The following ATXN10 variants were observed in gnomAD, a reference collection of about 807,000 sequenced individuals.
The protein encoded by ATXN10 is ataxin-10.
A neutral mutation model predicts 52.9 loss-of-function variants in ATXN10; 28 were observed. The observed-to-expected ratio is 0.53, with a 90% CI of 0.39 to 0.73. The LOEUF is 0.73. Among genes scored for constraint, ATXN10 ranks in the 30% least tolerant of loss-of-function variants. The probability of loss-of-function intolerance (pLI) is 0.00; values close to 1 mark genes in which losing one functional copy is unlikely to be tolerated. For missense variants in ATXN10, 565 were observed against 577.0 expected (o/e 0.98, Z 0.21); for synonymous variants, 226 against 221.5 (o/e 1.02, Z -0.18).
rs749944128 is a variant in ATXN10 at position 45,708,928 on chromosome 22, C to T, written c.647+6081C>T. ...TGCTGGGATTACAGGCATGAGCCAC[C>T]GTGCCCACCTAAACTTTTATTAATC... On this transcript the variant is annotated intron_variant, in intron 5 of 11. Transcript: ENST00000252934. This position sits in a 1 kb window ranked among gnomAD's most constrained non-coding sequence, Gnocchi z 5.3. Among the ~76,000 whole-genome samples the T allele has an allele frequency of 4.6e-5, 7 of 152,186 alleles. No homozygotes were observed. The highest frequency in any genetic ancestry group is 8.8e-5 in the Non-Finnish European group (6 of 68,032).
intron 10 of ATXN10, among the ~76,000 whole-genome samples, chr22:45,838,417 C>G: frequency 6.6e-6 from 1 of 152,346 alleles, no homozygotes; most frequent in East Asian, 1.9e-4. Flanking sequence ...CGCTCTAGTG[C>G]TGATTGCAGG....
rs564472388 is a variant in ATXN10, at chr22:45,733,815, A to G, written c.894+4225A>G. Among the ~76,000 whole-genome samples the G allele has an allele frequency of 8.7e-5, 13 of 148,688 alleles. No individual in the cohort carries two copies. Among genetic ancestry groups the G allele is most frequent in the South Asian group, 2.1e-4 (1 of 4,754 alleles). ...TTTGCCCAGCCTCCATTTGTTTTCTATAGATCTGCATATCCTTTTTTTTTT... is the reference window on the plus strand; with the variant it reads ...TTTGCCCAGCCTCCATTTGTTTTCTGTAGATCTGCATATCCTTTTTTTTTT... On this transcript the variant is annotated intron_variant, in intron 7 of 11. Transcript: ENST00000252934. This position sits in a 1 kb window ranked among gnomAD's most constrained non-coding sequence, Gnocchi z 4.4.
At chr22:45,794,051 G>A (rs1346070825) in intron 9 of ATXN10, among the ~76,000 whole-genome samples, 2 of 152,164 alleles carry the variant, frequency 1.3e-5, no homozygotes, top group African/African-American at 4.8e-5. Flanking sequence ...GGAAAAGGGT[G>A]GCAACTCTTA....
chr22:45,816,107 G>A lies in ATXN10; in HGVS notation c.1237+9085G>A, dbSNP rs933539289. On this transcript the variant is annotated intron_variant, in intron 10 of 11. Coordinates refer to ENST00000252934, the MANE Select transcript of ATXN10 (RefSeq NM_013236.4). This position sits in a 1 kb window ranked among gnomAD's most constrained non-coding sequence, Gnocchi z 5.8. ...TCCTAAAAATACAAAAAAAAAATTC[G>A]CTAGGCGTGGTGGCACGCACCCTTA... Among the ~76,000 whole-genome samples the A allele has an allele frequency of 8.5e-5, 13 of 152,126 alleles. No individual in the cohort carries two copies. The highest frequency in any genetic ancestry group is 3.1e-4 in the African/African-American group (13 of 41,500).
At chr22:45,809,403 A>G (rs147400212) in intron 10 of ATXN10, among the ~76,000 whole-genome samples, 5 of 152,322 alleles carry the variant, frequency 3.3e-5, no homozygotes, top group African/African-American at 1.2e-4. Context: ...GGCATTCAAT[A>G]AGGGAACAAT....
chr22:45,714,069 T>C (rs1219402586), intron 5 of ATXN10, among the ~76,000 whole-genome samples: 1 of 152,222 alleles, frequency 6.6e-6, no homozygotes, highest in East Asian at 1.9e-4. Context: ...CTTCAGGTTG[T>C]CCTTCATCGC....
Position 45,833,259 on chromosome 22 carries a change from C to G in ATXN10, c.1238-9732C>G, listed in dbSNP as rs774258058. ...CCTCCCCACCCTTGACCACCGACTT[C>G]CTGGGAGCTGCTGAAGGCGTCGGGG... is the stretch of plus-strand genomic sequence containing the variant. On this transcript the variant is annotated intron_variant, in intron 10 of 11. Coordinates refer to ENST00000252934, the MANE Select transcript of ATXN10 (RefSeq NM_013236.4). The surrounding 1 kb of genome is among the most constrained non-coding windows in gnomAD (Gnocchi z 4.3). Among the ~76,000 whole-genome samples the G allele has an allele frequency of 5.9e-5, 9 of 152,198 alleles. No homozygotes were observed. Among genetic ancestry groups the G allele is most frequent in the Non-Finnish European group, 1.0e-4 (7 of 68,028 alleles).
At position 45,684,032 on chromosome 22, in the gene ATXN10, G is replaced by A. The variant is rs1442867730; in HGVS notation, c.117-5680G>A. Among the ~76,000 whole-genome samples, 4 of 152,038 alleles carry A rather than the reference G, an allele frequency of 2.6e-5. No homozygotes were observed. Among genetic ancestry groups the A allele is most frequent in the Admixed American group, 2.6e-4 (4 of 15,238 alleles). ...AGTGTTGTGATCATAGCTCACCATA[G>A]CCTTGAACTCCTGGGTTCAAGCAGT... is the stretch of plus-strand genomic sequence containing the variant. On this transcript the variant is annotated intron_variant, in intron 1 of 11. Transcript: ENST00000252934. The surrounding 1 kb of genome is among the most constrained non-coding windows in gnomAD (Gnocchi z 4.1).
Position 45,805,791 on chromosome 22 carries a change from C to T in ATXN10, c.1174-1168C>T, listed in dbSNP as rs375772690. Among the ~76,000 whole-genome samples, 3 of 152,082 alleles carry T rather than the reference C, an allele frequency of 2.0e-5. No homozygotes were observed. The highest frequency in any genetic ancestry group is 7.2e-5 in the African/African-American group (3 of 41,394). The stretch of plus-strand genomic sequence containing the variant: ...TTGGATCATGCTAATGGTTATATAA[C>T]TCTGTGAATATACTGAAAACCACCA... On this transcript the variant is annotated intron_variant, in intron 9 of 11. Coordinates refer to ENST00000252934, the MANE Select transcript of ATXN10 (RefSeq NM_013236.4). The surrounding 1 kb of genome is among the most constrained non-coding windows in gnomAD (Gnocchi z 4.4).
chr22:45,735,912 T>G (rs1190087779), intron 7 of ATXN10, among the ~76,000 whole-genome samples: 1 of 151,634 alleles, frequency 6.6e-6, no homozygotes, highest in African/African-American at 2.4e-5. Flanking sequence ...CTCATTAATC[T>G]TATTTTTTAA....
intron 10 of ATXN10, among the ~76,000 whole-genome samples, chr22:45,810,847 G>A (rs1269917416): frequency 2.0e-5 from 3 of 152,272 alleles, no homozygotes; most frequent in South Asian, 2.1e-4. Flanking sequence ...TTGATTTCTA[G>A]TATAAATGCA....
rs1345652222 is a variant in ATXN10 at position 45,730,860 on chromosome 22, A to G, written c.894+1270A>G. Among the ~76,000 whole-genome samples, 7 of 152,346 alleles carry G rather than the reference A, an allele frequency of 4.6e-5. No homozygotes were observed. In the South Asian group the frequency reaches 1.0e-3, roughly 23 times the overall value. On this transcript the variant is annotated intron_variant, in intron 7 of 11. Transcript: ENST00000252934. Reference sequence around the variant, plus strand: ...AATCTTAGAAGTGAAATTGCTATGTATAAGGATATCACATGTTTAAAGCTC... The same window carrying G: ...AATCTTAGAAGTGAAATTGCTATGTGTAAGGATATCACATGTTTAAAGCTC...
intron 10 of ATXN10, among the ~76,000 whole-genome samples, chr22:45,830,614 C>G (rs747087963): frequency 6.6e-6 from 1 of 151,520 alleles, no homozygotes; most frequent in Non-Finnish European, 1.5e-5. Context: ...CTCAGCATCA[C>G]TAATCATGAG....
intron 9 of ATXN10, among the ~76,000 whole-genome samples, chr22:45,791,901 A>G (rs1373048940): frequency 2.0e-5 from 3 of 152,062 alleles, no homozygotes; most frequent in East Asian, 1.9e-4. Context: ...CTTGAGAGCT[A>G]TTTGCGTCTT....
rs1284333122 is a variant in ATXN10 at position 45,684,421 on chromosome 22, G to T, written c.117-5291G>T. 6.6e-6 allele frequency among the ~76,000 whole-genome samples: 1 copy of T among 152,078 alleles called. No homozygotes were observed. Among genetic ancestry groups the T allele is most frequent in the Non-Finnish European group, 1.5e-5 (1 of 68,026 alleles). The stretch of plus-strand genomic sequence containing the variant: ...GGGTTGCCAGACCATGGCCAGATCT[G>T]GCCTACTACCTGTTTTTTTTATGAC... On this transcript the variant is annotated intron_variant, in intron 1 of 11. Coordinates refer to ENST00000252934, the MANE Select transcript of ATXN10 (RefSeq NM_013236.4). This position sits in a 1 kb window ranked among gnomAD's most constrained non-coding sequence, Gnocchi z 4.1.
intron 9 of ATXN10, among the ~76,000 whole-genome samples, chr22:45,741,686 A>C (rs926908623): frequency 6.6e-6 from 1 of 151,954 alleles, no homozygotes; most frequent in African/African-American, 2.4e-5. Flanking sequence ...AAAGTAAAAA[A>C]TAGAAAAAAA....
At chr22:45,788,067 C>A (rs965138854) in intron 9 of ATXN10, among the ~76,000 whole-genome samples, 3 of 152,166 alleles carry the variant, frequency 2.0e-5, no homozygotes, top group Admixed American at 2.0e-4. Flanking sequence ...CCTTTGCTGT[C>A]TCCATCTACC....
Position 45,774,824 on chromosome 22 carries a change from T to C in ATXN10, c.1174-32135T>C, listed in dbSNP as rs1259195142. On this transcript the variant is annotated intron_variant, in intron 9 of 11. Transcript: ENST00000252934. The surrounding 1 kb of genome is among the most constrained non-coding windows in gnomAD (Gnocchi z 6.2). ...GGCACGCGCCTGTAATCCCAGTTAC[T>C]GGGGAGGCTGAGGCAGGAGAATCAC... is the stretch of plus-strand genomic sequence containing the variant. Among the ~76,000 whole-genome samples the C allele has an allele frequency of 6.6e-6, 1 of 152,076 alleles. No homozygotes were observed. The highest frequency in any genetic ancestry group is 2.4e-5 in the African/African-American group (1 of 41,384).
At chr22:45,730,429 T>G (rs886565528) in intron 7 of ATXN10, among the ~76,000 whole-genome samples, 1 of 152,092 alleles carries the variant, frequency 6.6e-6, no homozygotes, top group Non-Finnish European at 1.5e-5. Context: ...GTTGGACATT[T>G]AGGTTGTTTG....
Sources: gnomAD v4.1 joint callset for allele counts (sites outside exome capture counted in the v4.1 genomes callset) on GRCh38, gnomAD v4.1.1 for gene constraint, Gnocchi (gnomAD v3.1) non-coding constraint, MANE v1.5 for transcripts, NCBI Gene and HGNC (gene_info 2026-07-23, HGNC 2026-07-21) for gene names.